RTL4: variants seen among roughly 807,000 people sequenced by gnomAD.
RTL4 encodes retrotransposon Gag like 4, also known as retrotransposon Gag-like protein 4.
In RTL4, 4 loss-of-function variants were observed where a neutral mutation model predicts 5.3. The observed-to-expected ratio is 0.75, with a 90% CI of 0.37 to 1.72. The LOEUF is 1.72. Ranked by LOEUF, RTL4 falls within the 40% of genes most tolerant of loss-of-function variation. The pLI is 0.04. For missense variants in RTL4, 260 were observed against 227.1 expected, an observed-to-expected ratio of 1.14 and a Z score of -0.93; for synonymous variants, 98 against 87.3, an observed-to-expected ratio of 1.12 and a Z score of -0.68.
chrX:112,103,831 A>G, the RTL4 span, among the ~76,000 whole-genome samples: 8,980 of 110,985 alleles, frequency 0.081, 400 homozygotes, highest in Non-Finnish European at 0.13. Context: ...ATATATATAC[A>G]TTGTGGAATG....
At chrX:112,198,456 G>A in the RTL4 span, among the ~76,000 whole-genome samples, 2 of 111,546 alleles carry the variant, frequency 1.8e-5, no homozygotes, top group Non-Finnish European at 3.8e-5. Flanking sequence ...CTAGCATTCT[G>A]GTCCTGACTT....
At chrX:112,325,794 C>G in the RTL4 span, among the ~76,000 whole-genome samples, 939 of 112,211 alleles carry the variant, frequency 8.4e-3, 2 homozygotes, top group Non-Finnish European at 0.013. Flanking sequence ...AGCCAAAATT[C>G]ACAAATGGGA....
At chrX:112,086,201 C>T in the RTL4 span, among the ~76,000 whole-genome samples, 1 of 112,183 alleles carries the variant, frequency 8.9e-6, no homozygotes, top group African/African-American at 3.2e-5. Context: ...TGCTAATTAG[C>T]ATAGTCCTAC....
chrX:112,443,932 C>G, the RTL4 span, among the ~76,000 whole-genome samples: 1 of 111,120 alleles, frequency 9.0e-6, no homozygotes, highest in Non-Finnish European at 1.9e-5. Flanking sequence ...TGTGCAGAAG[C>G]TTTTTAGCTT....
the RTL4 span, among the ~76,000 whole-genome samples, chrX:112,280,487 TTTTC>T: frequency 2.4e-4 from 27 of 110,926 alleles, no homozygotes; most frequent in Non-Finnish European, 4.0e-4. Flanking sequence ...GTGTGTTTGT[TTTTC>T]TTTCTTTGTT....
the RTL4 span, among the ~76,000 whole-genome samples, chrX:112,398,941 G>T: frequency 8.9e-6 from 1 of 112,024 alleles, no homozygotes; most frequent in Non-Finnish European, 1.9e-5. Context: ...TGGACCAAAA[G>T]ATGTCTTTGT....
the RTL4 span, among the ~76,000 whole-genome samples, chrX:112,233,188 C>T: frequency 2.7e-5 from 3 of 111,852 alleles, no homozygotes; most frequent in African/African-American, 9.7e-5. Context: ...AGAGTGTAAA[C>T]TTGTCGAAAG....
At chrX:112,284,287 T>G in the RTL4 span, among the ~76,000 whole-genome samples, 1 of 109,909 alleles carries the variant, frequency 9.1e-6, no homozygotes, top group African/African-American at 3.3e-5. Flanking sequence ...TGATGTGATA[T>G]ATGTGAAAAA....
At chrX:112,217,475 C>T in the RTL4 span, among the ~76,000 whole-genome samples, 2 of 111,849 alleles carry the variant, frequency 1.8e-5, no homozygotes, top group African/African-American at 6.5e-5. Context: ...CCAGAAATCA[C>T]CTGGGCTCCA....
the RTL4 span, among the ~76,000 whole-genome samples, chrX:112,258,800 A>C: frequency 1.2e-4 from 13 of 111,580 alleles, no homozygotes; most frequent in Non-Finnish European, 2.3e-4. Flanking sequence ...TATTTTATAA[A>C]CATTCTGTCA....
At chrX:112,440,575 C>T in the RTL4 span, among the ~76,000 whole-genome samples, 1 of 111,936 alleles carries the variant, frequency 8.9e-6, no homozygotes. Flanking sequence ...GTGTTGGATA[C>T]AAAAATGGGT....
chrX:112,391,644 G>T, the RTL4 span, among the ~76,000 whole-genome samples: 3 of 107,647 alleles, frequency 2.8e-5, no homozygotes, highest in Non-Finnish European at 3.8e-5. Context: ...TAGGTGTTTT[G>T]GTCAGTTGGT....
the RTL4 span, among the ~76,000 whole-genome samples, chrX:112,095,868 C>A: frequency 1.8e-5 from 2 of 111,501 alleles, no homozygotes; most frequent in Non-Finnish European, 3.8e-5. Flanking sequence ...ATAGATGTCA[C>A]CCAAGGTGAT....
the RTL4 span, among the ~76,000 whole-genome samples, chrX:112,373,508 T>C: frequency 5.3e-3 from 584 of 111,071 alleles, 5 homozygotes; most frequent in African/African-American, 0.018. Flanking sequence ...AGAAATGAGC[T>C]ATGAAAGTTA....
At chrX:112,196,655 A>G in the RTL4 span, among the ~76,000 whole-genome samples, 2 of 111,615 alleles carry the variant, frequency 1.8e-5, no homozygotes, top group Non-Finnish European at 3.8e-5. Context: ...GTGTTGTCAC[A>G]ATTTTTAATT....
At chrX:112,418,253 A>G in the RTL4 span, among the ~76,000 whole-genome samples, 1 of 112,220 alleles carries the variant, frequency 8.9e-6, no homozygotes, top group Non-Finnish European at 1.9e-5. Flanking sequence ...TGGCTGAATT[A>G]TGTGGTGTGA....
At chrX:112,174,614 G>A in the RTL4 span, among the ~76,000 whole-genome samples, 1 of 83,447 alleles carries the variant, frequency 1.2e-5, no homozygotes, top group African/African-American at 4.3e-5. Context: ...GGATGGCTGG[G>A]TCAAATGGTA....
At chrX:112,442,967 TAC>T in the RTL4 span, among the ~76,000 whole-genome samples, 1 of 111,402 alleles carries the variant, frequency 9.0e-6, no homozygotes, top group Non-Finnish European at 1.9e-5. Context: ...ATTATTGACT[TAC>T]AGTCACACCG....
At chrX:112,145,930 T>A in the RTL4 span, among the ~76,000 whole-genome samples, 1 of 112,236 alleles carries the variant, frequency 8.9e-6, no homozygotes, top group South Asian at 3.7e-4. Context: ...GCTTGTAGGC[T>A]GTGCTAAAGA....
Sources: gnomAD v4.1 joint callset for allele counts (sites outside exome capture counted in the v4.1 genomes callset) on GRCh38, gnomAD v4.1.1 for gene constraint, MANE v1.5 for transcripts, NCBI Gene and HGNC (gene_info 2026-07-23, HGNC 2026-07-21) for gene names.